Variants in GRIK1 observed in about 807,000 individuals in gnomAD.
GRIK1 encodes the protein glutamate ionotropic receptor kainate type subunit 1.
A neutral mutation model predicts 105.7 loss-of-function variants in GRIK1; 69 were observed. The ratio of observed to expected loss-of-function variants is 0.65; its 90% CI spans 0.54 to 0.80. The LOEUF (loss-of-function observed/expected upper bound fraction) is 0.80. Among genes scored for constraint, GRIK1 ranks in the 30% least tolerant of loss-of-function variants. The pLI is 0.00. For missense variants in GRIK1, 1,109 were observed against 1,167.3 expected, an observed-to-expected ratio of 0.95 and a Z score of 0.73; for synonymous variants, 438 against 431.3, an observed-to-expected ratio of 1.02 and a Z score of -0.19.
chr21:29,847,904 C>T (rs1300969400), intron 1 of GRIK1, among the ~76,000 whole-genome samples: 1 of 151,876 alleles, frequency 6.6e-6, no homozygotes, highest in Non-Finnish European at 1.5e-5. Flanking sequence ...CTCTCTTTCT[C>T]TCTCTCTCTC....
intron 1 of GRIK1, among the ~76,000 whole-genome samples, chr21:29,835,908 T>G (rs400791): frequency 6.6e-6 from 1 of 152,100 alleles, no homozygotes. Flanking sequence ...TAAAGTAACC[T>G]GTTCCTCAAC....
At chr21:29,887,921 C>G (rs549741145) in intron 1 of GRIK1, among the ~76,000 whole-genome samples, 1 of 151,914 alleles carries the variant, frequency 6.6e-6, no homozygotes, top group Admixed American at 6.6e-5. Context: ...CTTTCCCAAA[C>G]AAAATCAGGG....
intron 1 of GRIK1, among the ~76,000 whole-genome samples, chr21:29,702,860 C>G (rs1322822893): frequency 9.1e-6 from 1 of 109,978 alleles, no homozygotes; most frequent in African/African-American, 3.6e-5. Flanking sequence ...CCTGCCAATA[C>G]CCAGATTTCA....
Position 29,779,335 on chromosome 21 carries a change from A to AGTGT in GRIK1, c.119-85276_119-85273dup, listed in dbSNP as rs3054347. On this transcript the variant is annotated intron_variant, in intron 1 of 17. Transcript: ENST00000327783. ...AAAATATTTTGGAGGTCAGTGAGTG[A>AGTGT]GTGTGTGTGTGTGTGTGTGTGTGTG... Among the ~76,000 whole-genome samples the AGTGT allele has an allele frequency of 1.9e-3, 290 of 149,858 alleles. 1 individual carries two copies. The highest frequency in any genetic ancestry group is 6.5e-3 in the African/African-American group (267 of 40,880).
At chr21:29,936,940 C>T (rs573331531) in intron 1 of GRIK1, among the ~76,000 whole-genome samples, 1 of 152,286 alleles carries the variant, frequency 6.6e-6, no homozygotes, top group African/African-American at 2.4e-5. Context: ...CACTAAAAAA[C>T]ATGCCAGTTA....
chr21:29,904,066 T>C (rs1447757137), intron 1 of GRIK1, among the ~76,000 whole-genome samples: 4 of 151,674 alleles, frequency 2.6e-5, no homozygotes, highest in African/African-American at 7.3e-5. Context: ...TAAGTGGGAG[T>C]TGAACAATGA....
At chr21:29,611,548 A>G (rs936901616) in intron 7 of GRIK1, among the ~76,000 whole-genome samples, 3 of 152,192 alleles carry the variant, frequency 2.0e-5, no homozygotes, top group African/African-American at 7.2e-5. Context: ...TGACAAATGC[A>G]AAGTGGCATA....
intron 1 of GRIK1, among the ~76,000 whole-genome samples, chr21:29,818,194 C>T (rs139522919): frequency 5.9e-5 from 9 of 152,140 alleles, no homozygotes; most frequent in East Asian, 5.8e-4. Flanking sequence ...TGTAAAACAA[C>T]GCACATTATA....
chr21:29,610,210 T>C (rs1334020785), intron 7 of GRIK1, among the ~76,000 whole-genome samples: 2 of 152,164 alleles, frequency 1.3e-5, no homozygotes, highest in African/African-American at 2.4e-5. Context: ...TGCAGATGCA[T>C]TTCTTGAATG....
At position 29,536,991 on chromosome 21, in the gene GRIK1, T is replaced by C. The variant is rs1186274839; in HGVS notation, c.*239A>G. ...TTAGAAAGCACACACAACAATTTAT[T>C]GGGGAAAAAGAAAAAATGCAAAATA... On this transcript the variant is annotated 3_prime_UTR_variant, in exon 18 of 18. Transcript: ENST00000327783. 1.1e-5 allele frequency: 3 copies of C among 275,066 alleles called. No individual in the cohort carries two copies. Among genetic ancestry groups the C allele is most frequent in the Non-Finnish European group, 2.0e-5 (3 of 148,548 alleles). The allele number at this position is 275,066 out of a possible 1,614,324, so 17.0% of individuals were successfully genotyped here.
In GRIK1 at chr21:29,661,061, A is replaced by G. The variant is rs184499778; in HGVS notation, c.727-6198T>C. Among the ~76,000 whole-genome samples, 5 of 152,266 alleles carry G rather than the reference A, an allele frequency of 3.3e-5. No homozygotes were observed. In the East Asian group the frequency reaches 9.6e-4, roughly 29 times the overall value. ...AGCCAGATGCCTCTTTGGCCATGCA[A>G]TTTTTAATGGTGGTCATCAGTAGAA... On this transcript the variant is annotated intron_variant, in intron 4 of 17. Coordinates refer to ENST00000327783, the MANE Select transcript of GRIK1 (RefSeq NM_001330994.2).
chr21:29,806,459 A>T (rs2066867035), intron 1 of GRIK1, among the ~76,000 whole-genome samples: 1 of 152,208 alleles, frequency 6.6e-6, no homozygotes, highest in Non-Finnish European at 1.5e-5. Context: ...TATGATAATC[A>T]TTTTGGCATT....
chr21:29,717,172 G>T (rs979416883), intron 1 of GRIK1, among the ~76,000 whole-genome samples: 40 of 152,238 alleles, frequency 2.6e-4, no homozygotes, highest in African/African-American at 9.4e-4. Context: ...AAAATGTCTG[G>T]ATATCCAGGC....
chr21:29,647,657 C>G (rs549284113), intron 6 of GRIK1, among the ~76,000 whole-genome samples: 2 of 152,176 alleles, frequency 1.3e-5, no homozygotes, highest in South Asian at 4.2e-4. Context: ...TGAGAAGGAC[C>G]CATTTGAGAA....
intron 1 of GRIK1, among the ~76,000 whole-genome samples, chr21:29,935,790 C>T (rs1362726249): frequency 6.6e-6 from 1 of 151,574 alleles, no homozygotes; most frequent in African/African-American, 2.4e-5. Context: ...TTCATCTTCC[C>T]TTGTGAAACA....
chr21:29,833,552 T>C (rs2067699862), intron 1 of GRIK1, among the ~76,000 whole-genome samples: 1 of 152,136 alleles, frequency 6.6e-6, no homozygotes, highest in African/African-American at 2.4e-5. Context: ...AAGCAGCTCA[T>C]CTTACATGGC....
intron 1 of GRIK1, among the ~76,000 whole-genome samples, chr21:29,923,352 A>G (rs1333001028): frequency 6.6e-6 from 1 of 152,214 alleles, no homozygotes; most frequent in Admixed American, 6.5e-5. Flanking sequence ...TGTTTGAAAG[A>G]GAGAAAACTA....
intron 1 of GRIK1, among the ~76,000 whole-genome samples, chr21:29,766,469 G>A (rs11702427): frequency 0.4 from 60,146 of 151,922 alleles, 14,108 homozygotes; most frequent in South Asian, 0.56. Flanking sequence ...TCCTGAGATA[G>A]AGGTCTGACT....
chr21:29,725,418 A>G (rs1456519181), intron 1 of GRIK1, among the ~76,000 whole-genome samples: 1 of 152,160 alleles, frequency 6.6e-6, no homozygotes, highest in Non-Finnish European at 1.5e-5. Flanking sequence ...TTTCTCTTTG[A>G]TGGCTTTGTG....
Sources: gnomAD v4.1 joint callset for allele counts (sites outside exome capture counted in the v4.1 genomes callset) on GRCh38, gnomAD v4.1.1 for gene constraint, MANE v1.5 for transcripts, NCBI Gene and HGNC (gene_info 2026-07-23, HGNC 2026-07-21) for gene names.